Variants in CNGB3 observed in about 807,000 individuals in gnomAD.
The protein encoded by CNGB3 is cyclic nucleotide gated channel subunit beta 3.
In CNGB3, 86 loss-of-function variants were observed where a neutral mutation model predicts 92.8. The observed-to-expected ratio is 0.93, with a 90% CI of 0.78 to 1.11. CNGB3 has a LOEUF of 1.11. Ranked by LOEUF, CNGB3 falls within the 50% of genes least tolerant of loss-of-function variation. The probability of loss-of-function intolerance (pLI) is 0.00; values close to 1 mark genes in which losing one functional copy is unlikely to be tolerated. For missense variants in CNGB3, 1,026 were observed against 956.8 expected, an observed-to-expected ratio of 1.07 and a Z score of -0.95; for synonymous variants, 333 against 332.7, an observed-to-expected ratio of 1.00 and a Z score of -0.01.
chr8:86,688,837 T>A (rs1322332386), intron 3 of CNGB3, among the ~76,000 whole-genome samples: 1 of 151,996 alleles, frequency 6.6e-6, no homozygotes, highest in African/African-American at 2.4e-5. Context: ...TTTACTGTAC[T>A]GATTTTGGGT....
chr8:86,636,342 C>G (rs13282942), intron 10 of CNGB3, among the ~76,000 whole-genome samples: 21 of 151,590 alleles, frequency 1.4e-4, no homozygotes, highest in Non-Finnish European at 2.7e-4. Flanking sequence ...TAGGCTGAGG[C>G]GGGTGGATCA....
At chr8:86,621,530 C>G (rs934758566) in intron 13 of CNGB3, among the ~76,000 whole-genome samples, 1 of 151,938 alleles carries the variant, frequency 6.6e-6, no homozygotes, top group Non-Finnish European at 1.5e-5. Context: ...TACACAGATA[C>G]GTTCTTTAGT....
At chr8:86,662,230 A>T (rs1462728118) in intron 6 of CNGB3, among the ~76,000 whole-genome samples, 1 of 152,256 alleles carries the variant, frequency 6.6e-6, no homozygotes, top group Non-Finnish European at 1.5e-5. Flanking sequence ...GAAGTATTTT[A>T]AAATAATATT....
At chr8:86,726,799 A>G (rs1825068003) in intron 2 of CNGB3, 142 bp from the exon 3 acceptor site, 1 of 907,518 alleles carries the variant, frequency 1.1e-6, no homozygotes, top group Non-Finnish European at 1.8e-6. Context: ...TCTGCTAAAC[A>G]AAGTAGGACT....
chr8:86,577,878 A>G (rs1350704589), intron 17 of CNGB3, among the ~76,000 whole-genome samples: 1 of 152,118 alleles, frequency 6.6e-6, no homozygotes, highest in Non-Finnish European at 1.5e-5. Context: ...GCATGGCACT[A>G]AAAGTGTCAC....
chr8:86,575,732 T>TAAA lies in CNGB3; in HGVS notation c.*71_*72insTTT. The TAAA allele has an allele frequency of 7.1e-7, 1 of 1,407,120 alleles. No homozygotes were observed. The highest frequency in any genetic ancestry group is 1.4e-5 in the African/African-American group (1 of 70,530). 87.2% of individuals were successfully genotyped at this position (1,407,120 alleles called of 1,614,324 possible). On this transcript the variant is annotated 3_prime_UTR_variant, in exon 18 of 18. Transcript: ENST00000320005. Reference sequence around the variant, plus strand: ...GTCCCAGCATGTCGTTTCCCCTCGTTAATTTAAGTTACAATCCTAGGTACA... The same window carrying TAAA: ...GTCCCAGCATGTCGTTTCCCCTCGTTAAAAATTTAAGTTACAATCCTAGGTACA...
rs2131580373 is a variant in CNGB3, at chr8:86,626,034, G to C, written c.1527C>G (p.Ala509=). ...LKTLPTTVQL[A]LAIDVNFSII... Reference sequence around the variant, plus strand: ...TGCTGAAGTTCACATCAATGGCGAGGGCTAACTGGACCGTAGTTGGTAGGG... The same window carrying C: ...TGCTGAAGTTCACATCAATGGCGAGCGCTAACTGGACCGTAGTTGGTAGGG... Residue 509 remains alanine, a synonymous_variant, in exon 13 of 18, where the codon GCC becomes GCG. Coordinates refer to ENST00000320005, the MANE Select transcript of CNGB3 (RefSeq NM_019098.5). The C allele has an allele frequency of 1.2e-6, 2 of 1,613,820 alleles. No individual in the cohort carries two copies. Among genetic ancestry groups the C allele is most frequent in the African/African-American group, 1.3e-5 (1 of 74,994 alleles).
intron 12 of CNGB3, among the ~76,000 whole-genome samples, chr8:86,628,599 A>G (rs1176347571): frequency 2.0e-5 from 3 of 151,962 alleles, no homozygotes; most frequent in African/African-American, 4.8e-5. Flanking sequence ...TCCATTTTCT[A>G]CCCTTCAAAG....
rs1309077596 is a variant in CNGB3 at position 86,578,790 on chromosome 8, G to A, written c.2002C>T (p.Pro668Ser). ...PRKDLALLFP[P>S]KEETPKLFKT... ...AACAGTTTGGGTGTCTCTTCTTTCG[G>A]TGGGAAGAGGAGGGCAAGATCTTTT... Residue 668 changes from proline to serine, a missense_variant, in exon 17 of 18, where the codon CCG becomes TCG. Transcript: ENST00000320005. 1.2e-6 allele frequency: 2 copies of A among 1,614,116 alleles called. No homozygotes were observed. Among genetic ancestry groups the A allele is most frequent in the Middle Eastern group, 1.6e-4 (1 of 6,062 alleles).
At chr8:86,658,405 G>A in intron 6 of CNGB3, 2 of 427,300 alleles carry the variant, frequency 4.7e-6, no homozygotes, top group Non-Finnish European at 8.7e-6. Flanking sequence ...GCCTGTGGCT[G>A]CTACTTCTGC....
At chr8:86,635,980 C>A (rs561533137) in intron 10 of CNGB3, among the ~76,000 whole-genome samples, 27 of 150,760 alleles carry the variant, frequency 1.8e-4, no homozygotes, top group Non-Finnish European at 3.0e-4. Flanking sequence ...ACATAACATG[C>A]AATTTCCCCC....
chr8:86,685,970 T>G (rs150105529), intron 3 of CNGB3, among the ~76,000 whole-genome samples: 1,274 of 81,322 alleles, frequency 0.016, 17 homozygotes, highest in African/African-American at 0.082. Context: ...AGTTTGCATA[T>G]ATGTAAAGTA....
intron 3 of CNGB3, among the ~76,000 whole-genome samples, chr8:86,706,554 T>A (rs1251590488): frequency 6.6e-6 from 1 of 152,194 alleles, no homozygotes; most frequent in Non-Finnish European, 1.5e-5. Context: ...AAGTAAAACC[T>A]TTCTCCAATT....
chr8:86,705,805 T>C lies in CNGB3; in HGVS notation c.338+20726A>G, dbSNP rs113136982. On this transcript the variant is annotated intron_variant, in intron 3 of 17. Transcript: ENST00000320005. ...CAGTAAGTTGCTGGGCTTTCTAAAT[T>C]TGTATTTGCACCAATGCATGGAGTT... 9.5e-3 allele frequency among the ~76,000 whole-genome samples: 1,445 copies of C among 152,258 alleles called. 15 individuals are homozygous for C. Among genetic ancestry groups the C allele is most frequent in the Non-Finnish European group, 0.013 (907 of 68,018 alleles).
intron 15 of CNGB3, among the ~76,000 whole-genome samples, chr8:86,581,543 A>C (rs1397725704): frequency 6.6e-6 from 1 of 152,182 alleles, no homozygotes; most frequent in Non-Finnish European, 1.5e-5. Context: ...TATTTAGAGA[A>C]AAATACTTTA....
intron 3 of CNGB3, among the ~76,000 whole-genome samples, chr8:86,705,371 A>T (rs1013290375): frequency 6.6e-6 from 1 of 151,232 alleles, no homozygotes; most frequent in Non-Finnish European, 1.5e-5. Context: ...AGGTGTGAGT[A>T]AAAAAAAAGT....
rs1263717157 is a variant in CNGB3, at chr8:86,643,427, T to C, written c.1178+324A>G. 4.0e-5 allele frequency among the ~76,000 whole-genome samples: 6 copies of C among 151,248 alleles called. No homozygotes were observed. In the Admixed American group the frequency reaches 4.0e-4, roughly 10 times the overall value. The stretch of plus-strand genomic sequence containing the variant: ...TAATCCACTTTTCTTTATGCGCTCC[T>C]CTCCCCACCACTCACCCTTCCCAGT... On this transcript the variant is annotated intron_variant, in intron 10 of 17. Coordinates refer to ENST00000320005, the MANE Select transcript of CNGB3 (RefSeq NM_019098.5).
chr8:86,630,078 A>G (rs1822931615), intron 11 of CNGB3, among the ~76,000 whole-genome samples: 1 of 152,066 alleles, frequency 6.6e-6, no homozygotes, highest in South Asian at 2.1e-4. Context: ...CTCAGTTTCC[A>G]TTTTTAGAGC....
chr8:86,603,722 C>T (rs1192798085), intron 15 of CNGB3, among the ~76,000 whole-genome samples: 1 of 152,206 alleles, frequency 6.6e-6, no homozygotes, highest in Admixed American at 6.5e-5. Context: ...GCTATGATCA[C>T]ATCACTAGCC....
Sources: gnomAD v4.1 joint callset for allele counts (sites outside exome capture counted in the v4.1 genomes callset) on GRCh38, gnomAD v4.1.1 for gene constraint, MANE v1.5 for transcripts, NCBI Gene and HGNC (gene_info 2026-07-23, HGNC 2026-07-21) for gene names.